Variants in SLC19A1 observed in about 807,000 individuals in gnomAD.
SLC19A1 encodes the protein solute carrier family 19 member 1.
A neutral mutation model predicts 35.3 loss-of-function variants in SLC19A1; 37 were observed. The ratio of observed to expected loss-of-function variants is 1.05; its 90% CI spans 0.81 to 1.38. The LOEUF (loss-of-function observed/expected upper bound fraction) is 1.38. Among genes scored for constraint, SLC19A1 ranks in the 40% most tolerant of loss-of-function variants. The pLI, the probability that SLC19A1 is intolerant of heterozygous loss-of-function variation, is 0.00. For missense variants in SLC19A1, 831 were observed against 826.9 expected (o/e 1.00, Z -0.06); for synonymous variants, 460 against 398.5 (o/e 1.15, Z -1.84).
chr21:45,510,123 C>T (rs775221635), downstream of SLC19A1: 18 of 1,599,366 alleles, frequency 1.1e-5, no homozygotes, highest in Middle Eastern at 3.5e-4. Context: ...TCCGCGGGGC[C>T]GACTTCCAGT....
At chr21:45,545,693 C>G (rs1028221828), upstream of SLC19A1, among the ~76,000 whole-genome samples, 1 of 152,006 alleles carries the variant, frequency 6.6e-6, no homozygotes, top group African/African-American at 2.4e-5. Context: ...CATACACATG[C>G]ATGCTCCCGT....
chr21:45,537,791 T>C lies in SLC19A1; in HGVS notation c.169A>G (p.Lys57Glu). The change falls in exon 2 of 6, where the codon AAG becomes GAG. Residue 57 changes from lysine to glutamate, a missense_variant. Coordinates refer to ENST00000311124, the MANE Select transcript of SLC19A1 (RefSeq NM_194255.4). ...CATGCCTGCTCCCGCGTGAAGTTCT[T>C]GTCGGGCCCCAGGAGGTAGGGGGTG... is the stretch of plus-strand genomic sequence containing the variant. Reference protein sequence around the residue: ...FITPYLLGPDKNFTREQVTNE... With the variant: ...FITPYLLGPDENFTREQVTNE... 1 of 1,396,884 alleles carries C rather than the reference T, an allele frequency of 7.2e-7. No individual in the cohort carries two copies. The highest frequency in any genetic ancestry group is 9.5e-7 in the Non-Finnish European group (1 of 1,048,710). 86.5% of individuals were successfully genotyped at this position (1,396,884 alleles called of 1,614,324 possible).
At chr21:45,555,681 G>A (rs2078553859) in intron 1 of SLC19A1, among the ~76,000 whole-genome samples, 1 of 152,148 alleles carries the variant, frequency 6.6e-6, no homozygotes, top group South Asian at 2.1e-4. Context: ...AGTGCCTGAG[G>A]CTGGCCTAGG....
At position 45,513,937 on chromosome 21, in the gene SLC19A1, T is replaced by G. The variant is rs2146172640; in HGVS notation, c.*1721A>C. On this transcript the variant is annotated 3_prime_UTR_variant, in exon 6 of 6. Coordinates refer to ENST00000311124, the MANE Select transcript of SLC19A1 (RefSeq NM_194255.4). ...CATAGTGTGCACAGGTACACAGGCA[T>G]GCACGGGTGTGTGGACACACACCAA... The G allele has an allele frequency of 6.6e-6, 1 of 152,392 alleles. No individual in the cohort carries two copies. The highest frequency in any genetic ancestry group is 1.9e-4 in the East Asian group (1 of 5,184). 9.4% of individuals were successfully genotyped at this position (152,392 alleles called of 1,614,324 possible).
downstream of SLC19A1, among the ~76,000 whole-genome samples, chr21:45,508,685 C>G (rs1315908678): frequency 2.0e-5 from 3 of 152,178 alleles, no homozygotes; most frequent in Admixed American, 2.0e-4. Context: ...TGTCTCCTCA[C>G]AGGGTTCAGC....
rs28627372 is a variant in SLC19A1, at chr21:45,530,254, C to T, written c.1151+516G>A. Among the ~76,000 whole-genome samples the T allele has an allele frequency of 0.057, 8,428 of 148,788 alleles. 723 individuals carry two copies. Among genetic ancestry groups the T allele is most frequent in the African/African-American group, 0.19 (7,706 of 40,186 alleles). ...TCCGTGTGTGTGGTGTGTTCATGTG[C>T]GATATATCCATGTGTGAGTGTGGTG... On this transcript the variant is annotated intron_variant, in intron 4 of 5. Transcript: ENST00000311124. The surrounding 1 kb of genome is among the most constrained non-coding windows in gnomAD (Gnocchi z 5.3).
rs568057284 is a variant in SLC19A1, at chr21:45,506,541, C to T, written c.498-7929G>A. The T allele has an allele frequency of 2.2e-4, 43 of 197,912 alleles. No homozygotes were observed. In the East Asian group the frequency reaches 2.8e-3, roughly 13 times the overall value. The allele number at this position is 197,912 out of a possible 1,614,324, so 12.3% of individuals were successfully genotyped here. On this transcript the variant is annotated intron_variant, in intron 3 of 4. Transcript: ENST00000417954. ...AAATGGTCTGGGTGGCAGGAGTGGC[C>T]GCTCTGATCCAGGTGGGTGCGGCCA...
At chr21:45,546,896 G>A (rs539719398), upstream of SLC19A1, among the ~76,000 whole-genome samples, 16 of 152,318 alleles carry the variant, frequency 1.1e-4, no homozygotes, top group Non-Finnish European at 2.1e-4. Context: ...CAAGCTATCC[G>A]AGAAACCTAA....
intron 2 of SLC19A1, 48 bp downstream of exon 2, chr21:45,537,719 TCCCC>T: frequency 3.1e-6 from 1 of 319,776 alleles, no homozygotes; most frequent in Non-Finnish European, 5.6e-6. Context: ...CAGACGCTGC[TCCCC>T]GCCCACCCAC....
At chr21:45,557,589 G>C (rs2078575576) in intron 1 of SLC19A1, among the ~76,000 whole-genome samples, 1 of 152,178 alleles carries the variant, frequency 6.6e-6, no homozygotes, top group African/African-American at 2.4e-5. Flanking sequence ...GGGGGTTTGT[G>C]CAGTGACCAG....
rs937929226 is a variant in SLC19A1, at chr21:45,507,376, C to T, written c.498-8764G>A. ...GGCACCCTGCTGTGGACTGGGAGGGCCGGGTGCTGGGCAGGGAGCGTACCC... is the reference window on the plus strand; with the variant it reads ...GGCACCCTGCTGTGGACTGGGAGGGTCGGGTGCTGGGCAGGGAGCGTACCC... On this transcript the variant is annotated intron_variant, in intron 3 of 4. Coordinates refer to the SLC19A1 transcript ENST00000417954. 1.0e-5 allele frequency: 7 copies of T among 682,046 alleles called. No individual in the cohort carries two copies. In the Admixed American group the frequency reaches 1.3e-4, roughly 13 times the overall value. The allele number at this position is 682,046 out of a possible 1,614,324, so 42.2% of individuals were successfully genotyped here.
At chr21:45,503,665 T>G (rs796196943) in intron 3 of SLC19A1, among the ~76,000 whole-genome samples, 4 of 146,122 alleles carry the variant, frequency 2.7e-5, no homozygotes, top group Admixed American at 1.4e-4. Flanking sequence ...AGGGATAGCA[T>G]TGGGAGATAT....
upstream of SLC19A1, among the ~76,000 whole-genome samples, chr21:45,542,710 G>A (rs1437407382): frequency 2.0e-5 from 3 of 146,396 alleles, no homozygotes; most frequent in Admixed American, 6.8e-5. Context: ...ACCCCCGCCG[G>A]CGTCAGCATC....
At chr21:45,512,178 C>T (rs374912565), downstream of SLC19A1, 257 of 1,609,594 alleles carry the variant, frequency 1.6e-4, no homozygotes, top group African/African-American at 1.6e-3. Context: ...CGGCCCGGCG[C>T]GTCTTACAGG....
At chr21:45,559,433 A>C (rs934169399) in intron 1 of SLC19A1, among the ~76,000 whole-genome samples, 1 of 152,250 alleles carries the variant, frequency 6.6e-6, no homozygotes, top group African/African-American at 2.4e-5. Context: ...CATGGGGACC[A>C]GCGGTAGGCA....
chr21:45,503,776 TAAAGTA>T (rs1295428813), intron 3 of SLC19A1, among the ~76,000 whole-genome samples: 2 of 151,758 alleles, frequency 1.3e-5, no homozygotes, highest in South Asian at 2.1e-4. Context: ...CCCTAAAACT[TAAAGTA>T]TAATAATAAA....
chr21:45,545,891 G>A (rs73228800), upstream of SLC19A1, among the ~76,000 whole-genome samples: 4,925 of 152,252 alleles, frequency 0.032, 98 homozygotes, highest in Middle Eastern at 0.061. Flanking sequence ...GTAGAGGTGC[G>A]GTGCGCCCTG....
chr21:45,541,071 G>A (rs1345946842), intron 1 of SLC19A1, among the ~76,000 whole-genome samples: 6 of 152,170 alleles, frequency 3.9e-5, no homozygotes, highest in African/African-American at 1.4e-4. Context: ...CTGTTCAGAT[G>A]ACCAAGTTCA....
chr21:45,516,165 G>C (rs377257997), intron 5 of SLC19A1, 25 bp from the exon 6 acceptor site: 1 of 1,578,282 alleles, frequency 6.3e-7, no homozygotes. Context: ...CGGGTGAGGC[G>C]GGTGGGGAGG....
Sources: allele counts gnomAD v4.1 joint callset (sites outside exome capture counted in the v4.1 genomes callset), GRCh38; gene constraint gnomAD v4.1.1; non-coding constraint Gnocchi (gnomAD v3.1); transcripts MANE v1.5; gene names NCBI Gene and HGNC (gene_info 2026-07-23, HGNC 2026-07-21).